Variants in SLC35D1 observed in about 807,000 individuals in gnomAD.
The protein encoded by SLC35D1 is nucleotide sugar transporter SLC35D1.
Under a neutral mutation model 46.7 loss-of-function variants are expected in SLC35D1, and 31 were observed. The ratio of observed to expected loss-of-function variants is 0.66; its 90% CI spans 0.50 to 0.90. The LOEUF (loss-of-function observed/expected upper bound fraction) is 0.90, where lower values mean the gene tolerates loss of function less well. Among genes scored for constraint, SLC35D1 ranks in the 40% least tolerant of loss-of-function variants. The pLI, the probability that SLC35D1 is intolerant of heterozygous loss-of-function variation, is 0.00. For missense variants in SLC35D1, 397 were observed against 426.2 expected (o/e 0.93, Z 0.60); for synonymous variants, 195 against 164.6 (o/e 1.18, Z -1.41).
intron 8 of SLC35D1, among the ~76,000 whole-genome samples, chr1:67,030,369 A>C (rs959423367): frequency 2.6e-5 from 4 of 152,184 alleles, no homozygotes; most frequent in African/African-American, 9.7e-5. Flanking sequence ...CTATTCTTTT[A>C]TCCCAAAGTC....
chr1:66,991,727 C>A, the SLC35D1 span, among the ~76,000 whole-genome samples: 1 of 152,134 alleles, frequency 6.6e-6, no homozygotes. Flanking sequence ...ATTGTTCCTC[C>A]ATTTCAACCA....
chr1:66,976,443 C>T, the SLC35D1 span: 16 of 518,764 alleles, frequency 3.1e-5, no homozygotes, highest in East Asian at 4.1e-4. Context: ...GAAAGAATAG[C>T]TTTCAACATA....
chr1:66,974,834 A>T, the SLC35D1 span, among the ~76,000 whole-genome samples: 2 of 152,176 alleles, frequency 1.3e-5, no homozygotes, highest in African/African-American at 4.8e-5. Flanking sequence ...TAAAGTTCAG[A>T]TCTTAATCAT....
At chr1:66,980,680 C>T in the SLC35D1 span, among the ~76,000 whole-genome samples, 1 of 152,064 alleles carries the variant, frequency 6.6e-6, no homozygotes, top group African/African-American at 2.4e-5. Flanking sequence ...ATAAATAACA[C>T]AATTAGAATT....
chr1:66,987,046 C>A, the SLC35D1 span: 1 of 152,236 alleles, frequency 6.6e-6, no homozygotes, highest in Non-Finnish European at 1.5e-5. Flanking sequence ...AATACATTCT[C>A]AGGCATGTTT....
At chr1:67,006,403 C>T (rs548633103) in intron 11 of SLC35D1, among the ~76,000 whole-genome samples, 1 of 152,284 alleles carries the variant, frequency 6.6e-6, no homozygotes, top group South Asian at 2.1e-4. Flanking sequence ...CAGTCAATTT[C>T]CCTTTGCCTC....
the SLC35D1 span, among the ~76,000 whole-genome samples, chr1:66,980,823 T>C: frequency 8.8e-4 from 134 of 152,024 alleles, no homozygotes; most frequent in Non-Finnish European, 1.6e-3. Context: ...ACTTTTTCTG[T>C]AACAGGTAGA....
At chr1:66,994,921 GAAAAA>G (rs61387414), downstream of SLC35D1, among the ~76,000 whole-genome samples, 5 of 96,516 alleles carry the variant, frequency 5.2e-5, no homozygotes, top group African/African-American at 1.3e-4. Flanking sequence ...GGCAAAAAAA[GAAAAA>G]AAAAAAAAAA....
At chr1:66,990,276 A>T in the SLC35D1 span, among the ~76,000 whole-genome samples, 1 of 152,048 alleles carries the variant, frequency 6.6e-6, no homozygotes, top group Non-Finnish European at 1.5e-5. Context: ...CTACATCTGC[A>T]ATTTTTCTTT....
At chr1:67,048,260 G>A (rs1182747688) in intron 6 of SLC35D1, among the ~76,000 whole-genome samples, 1 of 152,182 alleles carries the variant, frequency 6.6e-6, no homozygotes, top group Non-Finnish European at 1.5e-5. Flanking sequence ...AAGTCAAAGG[G>A]TCTAACCAGA....
intron 5 of SLC35D1, among the ~76,000 whole-genome samples, 176 bp downstream of exon 5, chr1:67,050,257 C>T (rs572043553): frequency 2.6e-5 from 4 of 152,268 alleles, no homozygotes; most frequent in Non-Finnish European, 5.9e-5. Flanking sequence ...AACTCTAATT[C>T]ATAACCTTCC....
At chr1:67,036,395 A>G (rs917174628) in intron 8 of SLC35D1, among the ~76,000 whole-genome samples, 1 of 151,950 alleles carries the variant, frequency 6.6e-6, no homozygotes, top group Admixed American at 6.6e-5. Context: ...CACTGTAGAG[A>G]TCTTTCATTT....
chr1:67,046,122 C>T (rs946685801), intron 7 of SLC35D1, among the ~76,000 whole-genome samples: 4 of 152,118 alleles, frequency 2.6e-5, no homozygotes, highest in East Asian at 1.9e-4. Context: ...AAATCAACAC[C>T]GTCCTTGGTT....
At chr1:67,034,774 G>A (rs940340129) in intron 8 of SLC35D1, among the ~76,000 whole-genome samples, 4 of 152,110 alleles carry the variant, frequency 2.6e-5, no homozygotes, top group African/African-American at 7.2e-5. Context: ...TAGAAAAAAG[G>A]CTTTCCATTT....
chr1:67,040,725 C>T (rs932182456), intron 8 of SLC35D1, among the ~76,000 whole-genome samples: 1 of 152,208 alleles, frequency 6.6e-6, no homozygotes, highest in Non-Finnish European at 1.5e-5. Flanking sequence ...ACCTGCTCTT[C>T]CTTGACCTAG....
rs542001844 is a variant in SLC35D1 at position 67,000,436 on chromosome 1, G to A, written c.*3904C>T. The A allele has an allele frequency of 1.7e-4, 26 of 152,212 alleles. No individual in the cohort carries two copies. The highest frequency in any genetic ancestry group is 6.0e-4 in the African/African-American group (25 of 41,476). The allele number at this position is 152,212 out of a possible 1,614,324, so 9.4% of individuals were successfully genotyped here. A position where few individuals can be genotyped will look rare whatever the true frequency, so the allele number is the denominator to read the frequency against. ...CCTGCATCATGTAATGGCCGTAATT[G>A]TGTCCAGCAGATATTTTTAAAAAAG... On this transcript the variant is annotated 3_prime_UTR_variant, in exon 12 of 12. Transcript: ENST00000235345.
downstream of SLC35D1, among the ~76,000 whole-genome samples, chr1:66,996,652 AAAG>A (rs1050511006): frequency 2.4e-4 from 37 of 152,322 alleles, no homozygotes; most frequent in African/African-American, 8.7e-4. Context: ...GAACTGTAGG[AAAG>A]AAGAATTGAA....
chr1:67,037,246 T>C (rs920998279), intron 8 of SLC35D1, among the ~76,000 whole-genome samples: 1 of 152,160 alleles, frequency 6.6e-6, no homozygotes, highest in South Asian at 2.1e-4. Context: ...TCACAGTGTA[T>C]AAGTAGATAT....
chr1:67,031,378 G>A (rs1225908614), intron 8 of SLC35D1, among the ~76,000 whole-genome samples: 1 of 151,652 alleles, frequency 6.6e-6, no homozygotes, highest in East Asian at 1.9e-4. Flanking sequence ...CAGTGCAAAG[G>A]AGCCCATTCT....
Sources: gnomAD v4.1 joint callset for allele counts (sites outside exome capture counted in the v4.1 genomes callset) on GRCh38, gnomAD v4.1.1 for gene constraint, MANE v1.5 for transcripts, NCBI Gene and HGNC (gene_info 2026-07-23, HGNC 2026-07-21) for gene names.